The following TBC1D32 variants were observed in gnomAD, a reference collection of about 807,000 sequenced individuals.
TBC1D32 encodes the protein TBC1 domain family member 32, also known as protein broad-minded.
Under a neutral mutation model 170.3 loss-of-function variants are expected in TBC1D32, and 151 were observed. The observed-to-expected ratio is 0.89, with a 90% CI of 0.78 to 1.01. TBC1D32 has a LOEUF of 1.01. TBC1D32 is among the 50% of genes least tolerant of loss of function. The probability of loss-of-function intolerance (pLI) is 0.00; values close to 1 mark genes in which losing one functional copy is unlikely to be tolerated. For synonymous variants in TBC1D32, 498 were observed against 488.0 expected (o/e 1.02, Z -0.27); for missense variants, 1,464 against 1,457.1 (o/e 1.00, Z -0.08).
intron 30 of TBC1D32, among the ~76,000 whole-genome samples, chr6:121,101,623 C>T (rs1328582236): frequency 2.0e-5 from 3 of 152,102 alleles, no homozygotes; most frequent in African/African-American, 7.2e-5. Context: ...AAACTCACAG[C>T]CAGTATCACA....
intron 15 of TBC1D32, among the ~76,000 whole-genome samples, chr6:121,277,202 A>C (rs1447420238): frequency 6.6e-6 from 1 of 152,196 alleles, no homozygotes; most frequent in Non-Finnish European, 1.5e-5. Flanking sequence ...CTGTAAAAAC[A>C]CAAGGGTTGG....
At chr6:121,311,218 C>G (rs1417583107) in intron 3 of TBC1D32, among the ~76,000 whole-genome samples, 1 of 152,206 alleles carries the variant, frequency 6.6e-6, no homozygotes, top group Non-Finnish European at 1.5e-5. Context: ...CTAGGCACAG[C>G]TACAGTGCTG....
Position 121,283,889 on chromosome 6 carries a change from A to G in TBC1D32, c.1394T>C (p.Leu465Pro), listed in dbSNP as rs1304023250. The change falls in exon 13 of 32, where the codon CTG (leucine) becomes CCG (proline). Residue 465 changes from leucine (L) to proline (P), a missense_variant. Around this residue, in one of 3 missense-constraint regions of TBC1D32, gnomAD observed 1,363 missense variants for 1,338.1 expected, o/e 1.02. Transcript: ENST00000398212. ...NKKGLVSLID[L>P]LVLFTQLIYY... Reference sequence around the variant, plus strand: ...GATAAGTTGGGTAAAAAGAACAAGCAGATCTATGAGGGATACCAAACCTTT... The same window carrying G: ...GATAAGTTGGGTAAAAAGAACAAGCGGATCTATGAGGGATACCAAACCTTT... The G allele has an allele frequency of 6.2e-7, 1 of 1,609,476 alleles. No individual in the cohort carries two copies.
chr6:121,296,500 C>G (rs963971098), intron 10 of TBC1D32, among the ~76,000 whole-genome samples: 1 of 152,136 alleles, frequency 6.6e-6, no homozygotes, highest in African/African-American at 2.4e-5. Flanking sequence ...ATGTTTGCCT[C>G]CTACTGTGTT....
At chr6:121,264,523 C>G (rs1800195467) in intron 15 of TBC1D32, among the ~76,000 whole-genome samples, 1 of 152,274 alleles carries the variant, frequency 6.6e-6, no homozygotes, top group Non-Finnish European at 1.5e-5. Context: ...TGAAACTATT[C>G]CTAACAATTA....
At chr6:121,091,202 C>T (rs1227574026) in intron 30 of TBC1D32, among the ~76,000 whole-genome samples, 161 bp from the exon 31 acceptor site, 1 of 152,098 alleles carries the variant, frequency 6.6e-6, no homozygotes, top group African/African-American at 2.4e-5. Flanking sequence ...GATGCTTCTC[C>T]TATTTGCTTC....
chr6:121,259,068 C>T (rs540025605), intron 15 of TBC1D32, among the ~76,000 whole-genome samples: 2 of 151,916 alleles, frequency 1.3e-5, no homozygotes, highest in South Asian at 2.1e-4. Context: ...GAGGCAAAGT[C>T]GGGTGGATCA....
intron 24 of TBC1D32, among the ~76,000 whole-genome samples, chr6:121,155,410 G>C (rs532767792): frequency 3.9e-5 from 6 of 152,146 alleles, no homozygotes; most frequent in Admixed American, 1.3e-4. Context: ...TAGAATCCTA[G>C]GGTTTTCTAT....
intron 3 of TBC1D32, among the ~76,000 whole-genome samples, chr6:121,313,294 G>C (rs919167386): frequency 1.3e-4 from 9 of 69,182 alleles, no homozygotes; most frequent in African/African-American, 5.6e-4. Context: ...TTTTTTTTTT[G>C]AGACGGCATC....
intron 15 of TBC1D32, among the ~76,000 whole-genome samples, chr6:121,269,285 G>T (rs1801005961): frequency 6.6e-6 from 1 of 152,044 alleles, no homozygotes; most frequent in Non-Finnish European, 1.5e-5. Flanking sequence ...ATGAAAATGG[G>T]CTAAATGCTC....
chr6:121,214,680 G>C (rs577157753), intron 21 of TBC1D32, among the ~76,000 whole-genome samples: 342 of 152,250 alleles, frequency 2.2e-3, no homozygotes, highest in Non-Finnish European at 3.0e-3. Flanking sequence ...TCCTAGATCT[G>C]GGCTACATGA....
intron 3 of TBC1D32, among the ~76,000 whole-genome samples, chr6:121,314,810 A>G (rs1808699671): frequency 6.6e-6 from 1 of 152,196 alleles, no homozygotes; most frequent in Non-Finnish European, 1.5e-5. Flanking sequence ...ATATAGGACC[A>G]CAGCTGAGAA....
chr6:121,212,028 C>CACACACACACAT (rs1179203925), intron 21 of TBC1D32, among the ~76,000 whole-genome samples: 162 of 143,238 alleles, frequency 1.1e-3, no homozygotes, highest in African/African-American at 4.1e-3. Flanking sequence ...CACACACACA[C>CACACACACACAT]GACAAAAGGG....
chr6:121,268,579 T>G (rs1212505118), intron 15 of TBC1D32, among the ~76,000 whole-genome samples: 1 of 152,020 alleles, frequency 6.6e-6, no homozygotes, highest in African/African-American at 2.4e-5. Context: ...TAAAAAGAAA[T>G]GAACAAAGCC....
intron 22 of TBC1D32, among the ~76,000 whole-genome samples, chr6:121,177,650 G>C (rs2128265533): frequency 6.6e-6 from 1 of 152,024 alleles, no homozygotes; most frequent in East Asian, 1.9e-4. Context: ...CTTTCTAATG[G>C]TTCAATGTAC....
intron 24 of TBC1D32, among the ~76,000 whole-genome samples, chr6:121,132,026 T>C (rs1781491209): frequency 6.6e-6 from 1 of 152,036 alleles, no homozygotes; most frequent in African/African-American, 2.4e-5. Flanking sequence ...CTTATATGAA[T>C]ATGGCTCATT....
At chr6:121,271,215 C>T (rs893405211) in intron 15 of TBC1D32, among the ~76,000 whole-genome samples, 14 of 152,114 alleles carry the variant, frequency 9.2e-5, no homozygotes, top group African/African-American at 3.4e-4. Flanking sequence ...GACAGGGATG[C>T]CCTCTTTCAC....
At chr6:121,117,778 A>G (rs1779842883) in intron 26 of TBC1D32, among the ~76,000 whole-genome samples, 1 of 152,192 alleles carries the variant, frequency 6.6e-6, no homozygotes, top group South Asian at 2.1e-4. Context: ...AATATACAAT[A>G]AATCACTGTA....
chr6:121,270,527 C>A (rs1469733735), intron 15 of TBC1D32, among the ~76,000 whole-genome samples: 1 of 152,116 alleles, frequency 6.6e-6, no homozygotes, highest in Non-Finnish European at 1.5e-5. Flanking sequence ...TGGATAAATT[C>A]ATGGACACAT....
Sources: allele counts gnomAD v4.1 joint callset (sites outside exome capture counted in the v4.1 genomes callset), GRCh38; gene constraint gnomAD v4.1.1; regional missense constraint gnomAD v4.1.1; transcripts MANE v1.5; gene names NCBI Gene and HGNC (gene_info 2026-07-23, HGNC 2026-07-21).